TUT7: variants seen among roughly 807,000 people sequenced by gnomAD.
TUT7 encodes terminal uridylyltransferase 7.
A neutral mutation model predicts 165.9 loss-of-function variants in TUT7; 33 were observed. The ratio of observed to expected loss-of-function variants is 0.20; its 90% CI spans 0.15 to 0.27. TUT7 has a LOEUF of 0.27. Among genes scored for constraint, TUT7 ranks in the 10% least tolerant of loss-of-function variants. The pLI is 1.00. For synonymous variants in TUT7, 552 were observed against 608.1 expected (o/e 0.91, Z 1.36); for missense variants, 1,338 against 1,762.3 (o/e 0.76, Z 4.31).
rs538424411 is a variant in TUT7, at chr9:86,305,904, G to A, written c.3839-665C>T. Among the ~76,000 whole-genome samples the A allele has an allele frequency of 1.3e-4, 20 of 152,226 alleles. No individual in the cohort carries two copies. The South Asian group carries it at 4.1e-3, about 32-fold the overall frequency. ...TCTTAGATAGCTGTATATAGGATAT[G>A]TTTTGGAATACTGTTTGTTAAATAA... On this transcript the variant is annotated intron_variant, in intron 22 of 26. Coordinates refer to ENST00000375963, the MANE Select transcript of TUT7 (RefSeq NM_024617.4).
chr9:86,345,738 A>G lies in TUT7; in HGVS notation c.750T>C (p.Asp250=). Residue 250 remains aspartate, a synonymous_variant, in exon 4 of 27, where the codon GAT becomes GAC. Coordinates refer to ENST00000375963, the MANE Select transcript of TUT7 (RefSeq NM_024617.4). ...PTAKYTCRLC[D]VLIESIAFAH... The stretch of plus-strand genomic sequence containing the variant: ...CAAATGCAATGGATTCAATTAAAAC[A>G]TCACAGAGTCTGCAGGTGTACTTTG... 6.2e-7 allele frequency: 1 copy of G among 1,613,796 alleles called. No homozygotes were observed. Among genetic ancestry groups the G allele is most frequent in the Non-Finnish European group, 8.5e-7 (1 of 1,179,822 alleles).
chr9:86,331,158 A>C (rs916002309), intron 10 of TUT7, among the ~76,000 whole-genome samples: 1 of 152,180 alleles, frequency 6.6e-6, no homozygotes, highest in Non-Finnish European at 1.5e-5. Context: ...AAGAACCAGC[A>C]TAGGCCCTCC....
intron 12 of TUT7, 101 bp downstream of exon 12, chr9:86,325,233 A>C: frequency 9.0e-7 from 1 of 1,113,866 alleles, no homozygotes; most frequent in South Asian, 1.5e-5. Flanking sequence ...GGCCTACCTT[A>C]CTTGTAGGAG....
intron 22 of TUT7, among the ~76,000 whole-genome samples, chr9:86,307,795 C>T (rs1393033621): frequency 6.6e-6 from 1 of 152,096 alleles, no homozygotes; most frequent in East Asian, 1.9e-4. Flanking sequence ...GAGTTCAAGA[C>T]CAGCCTGGCC....
intron 10 of TUT7, among the ~76,000 whole-genome samples, chr9:86,336,164 T>G (rs1830758388): frequency 6.6e-6 from 1 of 152,192 alleles, no homozygotes; most frequent in Non-Finnish European, 1.5e-5. Context: ...TGCCAGGGTT[T>G]TTTTAGGTGC....
At chr9:86,330,664 G>C (rs977449652) in intron 10 of TUT7, among the ~76,000 whole-genome samples, 1 of 152,088 alleles carries the variant, frequency 6.6e-6, no homozygotes, top group East Asian at 1.9e-4. Flanking sequence ...TTCTGCAAAG[G>C]TTTTTCCCTA....
intron 11 of TUT7, among the ~76,000 whole-genome samples, chr9:86,327,576 A>G (rs1829903353): frequency 6.6e-6 from 1 of 152,240 alleles, no homozygotes; most frequent in Admixed American, 6.5e-5. Flanking sequence ...AGAGACTCCA[A>G]ATAAGAAACA....
chr9:86,322,524 A>G, intron 13 of TUT7, 49 bp from the exon 14 acceptor site: 1 of 1,565,422 alleles, frequency 6.4e-7, no homozygotes, highest in Non-Finnish European at 8.6e-7. Flanking sequence ...TTATTTGCCA[A>G]ATAAAGGAGT....
At chr9:86,299,717 C>G (rs1043853881) in intron 26 of TUT7, among the ~76,000 whole-genome samples, 1 of 152,154 alleles carries the variant, frequency 6.6e-6, no homozygotes, top group Non-Finnish European at 1.5e-5. Flanking sequence ...GTTGTGAGAG[C>G]TTCCCTAGTA....
At chr9:86,321,178 C>A (rs1248723361) in intron 14 of TUT7, among the ~76,000 whole-genome samples, 2 of 150,264 alleles carry the variant, frequency 1.3e-5, no homozygotes, top group African/African-American at 4.9e-5. Context: ...TATGGTGAAA[C>A]CCCATCTCTA....
At chr9:86,306,668 T>A (rs7026106) in intron 22 of TUT7, among the ~76,000 whole-genome samples, 47,506 of 151,692 alleles carry the variant, frequency 0.31, 8,844 homozygotes, top group African/African-American at 0.5. Context: ...TTAGCCAGGC[T>A]TGGTGGTGTG....
At chr9:86,333,809 T>C (rs791219) in intron 10 of TUT7, among the ~76,000 whole-genome samples, 37,335 of 152,184 alleles carry the variant, frequency 0.25, 6,182 homozygotes, top group Non-Finnish European at 0.35. Flanking sequence ...ATGTACTGGG[T>C]AAACAGGCTT....
rs192099334 is a variant in TUT7, at chr9:86,346,322, C to T, written c.679G>A (p.Asp227Asn). Residue 227 changes from aspartate to asparagine, a missense_variant, in exon 3 of 27, where the codon GAC becomes AAC. By Grantham distance (23) the Asp-to-Asn change is conservative. This residue lies in a region of TUT7 where 434 missense variants were observed against 480.8 expected (regional missense o/e 0.90). Coordinates refer to ENST00000375963, the MANE Select transcript of TUT7 (RefSeq NM_024617.4). The part of the protein sequence containing the change: ...LQQAEERLKR[D>N]CIDRLKRRPR... ...ACCCTTTTTAGCCTGTCAATGCAGT[C>T]TCTCTTCAGTCTCTCCTCAGCCTGC... 5.0e-5 allele frequency: 80 copies of T among 1,613,714 alleles called. No individual in the cohort carries two copies. The East Asian group carries it at 1.3e-3, about 27-fold the overall frequency.
At chr9:86,352,380 C>A (rs989793555) in intron 2 of TUT7, among the ~76,000 whole-genome samples, 1 of 152,072 alleles carries the variant, frequency 6.6e-6, no homozygotes, top group Non-Finnish European at 1.5e-5. Flanking sequence ...GATATGGTCC[C>A]CTGGAGCATA....
intron 26 of TUT7, among the ~76,000 whole-genome samples, chr9:86,293,707 T>C (rs906106444): frequency 6.6e-5 from 10 of 152,168 alleles, no homozygotes; most frequent in Non-Finnish European, 8.8e-5. Flanking sequence ...ATGAAATAAC[T>C]AGACAAATAT....
chr9:86,353,081 G>A lies in TUT7; in HGVS notation c.119C>T (p.Ala40Val), dbSNP rs2378695. The A allele has an allele frequency of 6.2e-7, 1 of 1,614,092 alleles. No homozygotes were observed. Among genetic ancestry groups the A allele is most frequent in the Non-Finnish European group, 8.5e-7 (1 of 1,180,032 alleles). ...QQDYLIIDDH[A>V]KGHGSKMEKG... Reference sequence around the variant, plus strand: ...TTCCATTTTACTGCCATGGCCTTTAGCATGGTCATCTATTATTAAATAATC... The same window carrying A: ...TTCCATTTTACTGCCATGGCCTTTAACATGGTCATCTATTATTAAATAATC... The change falls in exon 2 of 27, where the codon GCT (alanine) becomes GTT (valine). Residue 40 changes from alanine to valine, a missense_variant. Transcript: ENST00000375963.
intron 24 of TUT7, 113 bp downstream of exon 24, chr9:86,304,743 T>A (rs1423016456): frequency 1.5e-6 from 1 of 678,906 alleles, no homozygotes. Flanking sequence ...AATAGTCATT[T>A]ACTTTGGCTA....
chr9:86,323,414 C>G lies in TUT7; in HGVS notation c.2336G>C (p.Arg779Pro). The G allele has an allele frequency of 6.2e-7, 1 of 1,614,194 alleles. No homozygotes were observed. Among genetic ancestry groups the G allele is most frequent in the South Asian group, 1.1e-5 (1 of 91,084 alleles). Residue 779 changes from arginine to proline, a missense_variant, in exon 13 of 27, where the codon CGT becomes CCT. By Grantham distance (103) the Arg-to-Pro change is moderately radical. Around this residue, in one of 7 missense-constraint regions of TUT7, gnomAD observed 425 missense variants for 474.9 expected, o/e 0.89. Transcript: ENST00000375963. ...CAAAGTGCTCTCTGACTCATTATTA[C>G]GTGTGCTGCCACAGACAACATGCTC... ...RGEHVVCGSTRNNESESTLDL... is the reference protein window; with the variant it reads ...RGEHVVCGSTPNNESESTLDL...
At chr9:86,342,370 G>A (rs1453465906) in intron 6 of TUT7, among the ~76,000 whole-genome samples, 1 of 152,146 alleles carries the variant, frequency 6.6e-6, no homozygotes, top group Non-Finnish European at 1.5e-5. Context: ...ACTAACAGCA[G>A]AGAAATGGAT....
Sources: allele counts gnomAD v4.1 joint callset (sites outside exome capture counted in the v4.1 genomes callset), GRCh38; gene constraint gnomAD v4.1.1; regional missense constraint gnomAD v4.1.1; transcripts MANE v1.5; gene names NCBI Gene and HGNC (gene_info 2026-07-23, HGNC 2026-07-21).